NCALD: variants seen among roughly 807,000 people sequenced by gnomAD.
The protein encoded by NCALD is neurocalcin delta.
In NCALD, 10 loss-of-function variants were observed where a neutral mutation model predicts 18.6. The ratio of observed to expected loss-of-function variants is 0.54; its 90% CI spans 0.33 to 0.91. NCALD has a LOEUF of 0.91. Among genes scored for constraint, NCALD ranks in the 40% least tolerant of loss-of-function variants. NCALD has a pLI of 0.03. For missense variants in NCALD, 184 were observed against 247.6 expected (o/e 0.74, Z 1.72); for synonymous variants, 88 against 87.4 (o/e 1.01, Z -0.04).
At chr8:102,012,083 G>A (rs1821922699) in intron 2 of NCALD, among the ~76,000 whole-genome samples, 1 of 152,174 alleles carries the variant, frequency 6.6e-6, no homozygotes, top group African/African-American at 2.4e-5. Flanking sequence ...TGCCCCGAAG[G>A]AGTCCTGGGT....
At chr8:102,081,145 G>C (rs971163442) in intron 1 of NCALD, among the ~76,000 whole-genome samples, 3 of 151,996 alleles carry the variant, frequency 2.0e-5, no homozygotes, top group South Asian at 2.1e-4. Flanking sequence ...GCAATAAAAG[G>C]GTTCTTTTAT....
chr8:101,894,656 C>T (rs1396875212), intron 3 of NCALD, among the ~76,000 whole-genome samples: 7 of 149,840 alleles, frequency 4.7e-5, no homozygotes, highest in African/African-American at 1.8e-4. Flanking sequence ...ATCAAATAGA[C>T]ACAATAAAAA....
intron 4 of NCALD, among the ~76,000 whole-genome samples, chr8:101,868,142 T>C (rs1815850834): frequency 6.6e-6 from 1 of 152,172 alleles, no homozygotes; most frequent in Non-Finnish European, 1.5e-5. Context: ...TCATGCTGCT[T>C]GCCTGGCTGT....
At chr8:101,979,669 A>T (rs546221281) in intron 2 of NCALD, among the ~76,000 whole-genome samples, 5 of 152,350 alleles carry the variant, frequency 3.3e-5, no homozygotes, top group Non-Finnish European at 7.3e-5. Context: ...TTCTTCCTGG[A>T]ATTTATAGAC....
chr8:102,004,641 T>G (rs1821622631), intron 2 of NCALD, among the ~76,000 whole-genome samples: 1 of 152,132 alleles, frequency 6.6e-6, no homozygotes, highest in South Asian at 2.1e-4. Context: ...ACTACAAGGC[T>G]ACAGTAACCA....
chr8:102,107,066 C>T (rs1825480791), intron 1 of NCALD, among the ~76,000 whole-genome samples: 1 of 151,052 alleles, frequency 6.6e-6, no homozygotes, highest in African/African-American at 2.4e-5. Flanking sequence ...TTTAATCATT[C>T]TGAACTGCTG....
At chr8:101,760,202 T>G (rs894985126) in intron 1 of NCALD, among the ~76,000 whole-genome samples, 1 of 152,110 alleles carries the variant, frequency 6.6e-6, no homozygotes, top group African/African-American at 2.4e-5. Context: ...CAAGAACACA[T>G]AGACTGAATT....
intron 1 of NCALD, among the ~76,000 whole-genome samples, chr8:102,057,034 T>C (rs16868968): frequency 0.043 from 6,497 of 152,192 alleles, 155 homozygotes; most frequent in Middle Eastern, 0.051. Flanking sequence ...CCTTCAAACA[T>C]TCCTAACAAC....
intron 4 of NCALD, among the ~76,000 whole-genome samples, chr8:101,824,310 G>T (rs953271786): frequency 3.3e-5 from 5 of 152,074 alleles, no homozygotes; most frequent in African/African-American, 1.2e-4. Flanking sequence ...CCAACGCTGT[G>T]TCCATAAATG....
intron 1 of NCALD, among the ~76,000 whole-genome samples, chr8:102,091,401 G>A (rs964871468): frequency 6.6e-6 from 1 of 152,188 alleles, no homozygotes; most frequent in African/African-American, 2.4e-5. Flanking sequence ...CTGCAACTTA[G>A]GCTAACCTTG....
intron 3 of NCALD, among the ~76,000 whole-genome samples, chr8:101,892,802 A>G (rs1405000706): frequency 6.7e-6 from 1 of 149,846 alleles, no homozygotes; most frequent in Non-Finnish European, 1.5e-5. Context: ...GCGAGAAGGG[A>G]AGTTTAGAGA....
intron 2 of NCALD, among the ~76,000 whole-genome samples, chr8:101,717,697 A>G (rs1480804531): frequency 3.3e-5 from 5 of 151,820 alleles, no homozygotes; most frequent in Admixed American, 6.6e-5. Context: ...CAAAGAAAAG[A>G]CGGCCAGACA....
chr8:102,036,780 C>T (rs187699981), intron 1 of NCALD, among the ~76,000 whole-genome samples: 1 of 151,702 alleles, frequency 6.6e-6, no homozygotes, highest in Non-Finnish European at 1.5e-5. Flanking sequence ...ACAACAACAA[C>T]AAAAAAATAT....
chr8:101,906,298 C>T (rs898871310), intron 3 of NCALD, among the ~76,000 whole-genome samples: 3 of 152,160 alleles, frequency 2.0e-5, no homozygotes, highest in East Asian at 1.9e-4. Context: ...ACTGGAAGTT[C>T]GAAATCACTG....
At chr8:101,774,097 G>C (rs1047541402) in intron 1 of NCALD, among the ~76,000 whole-genome samples, 2 of 152,134 alleles carry the variant, frequency 1.3e-5, no homozygotes, top group South Asian at 4.1e-4. Context: ...TATAAATAGG[G>C]ATCTAGAATG....
At chr8:102,029,747 G>C (rs1586948948) in intron 1 of NCALD, among the ~76,000 whole-genome samples, 1 of 152,288 alleles carries the variant, frequency 6.6e-6, no homozygotes, top group East Asian at 1.9e-4. Flanking sequence ...GTCACTAAAA[G>C]GGGAGGGATG....
intron 1 of NCALD, among the ~76,000 whole-genome samples, chr8:101,755,098 A>T (rs912467795): frequency 6.6e-6 from 1 of 152,196 alleles, no homozygotes; most frequent in African/African-American, 2.4e-5. Flanking sequence ...TGTGAGTCTC[A>T]TCTCTGCAAC....
chr8:102,050,862 T>A (rs897932061), intron 1 of NCALD, among the ~76,000 whole-genome samples: 2 of 146,850 alleles, frequency 1.4e-5, no homozygotes, highest in African/African-American at 2.5e-5. Context: ...TTAATTAATT[T>A]AATTAATTTT....
At chr8:102,090,669 T>G (rs750074513) in intron 1 of NCALD, among the ~76,000 whole-genome samples, 4 of 152,216 alleles carry the variant, frequency 2.6e-5, no homozygotes, top group Admixed American at 6.5e-5. Flanking sequence ...TATTTATAGC[T>G]TTTAACAACT....
Sources: gnomAD v4.1 joint callset for allele counts (sites outside exome capture counted in the v4.1 genomes callset) on GRCh38, gnomAD v4.1.1 for gene constraint, MANE v1.5 for transcripts, NCBI Gene and HGNC (gene_info 2026-07-23, HGNC 2026-07-21) for gene names.